Variants in GPR176 observed in about 807,000 individuals in gnomAD.
GPR176 encodes G-protein coupled receptor 176.
In GPR176, 26 loss-of-function variants were observed where a neutral mutation model predicts 35.4. That is an observed-to-expected ratio of 0.74 (90% CI 0.54 to 1.02). The LOEUF (loss-of-function observed/expected upper bound fraction) is 1.02. Among genes scored for constraint, GPR176 ranks in the 50% least tolerant of loss-of-function variants. GPR176 has a pLI of 0.00. For synonymous variants in GPR176, 278 were observed against 271.3 expected (o/e 1.02, Z -0.24); for missense variants, 597 against 665.3 (o/e 0.90, Z 1.13).
At chr15:39,917,573 C>T (rs1363325532) in intron 1 of GPR176, among the ~76,000 whole-genome samples, 3 of 151,762 alleles carry the variant, frequency 2.0e-5, no homozygotes, top group Non-Finnish European at 4.4e-5. Flanking sequence ...TGATCTCAAG[C>T]GATCTGCCCA....
intron 1 of GPR176, among the ~76,000 whole-genome samples, chr15:39,889,440 G>A (rs944765582): frequency 4.0e-5 from 6 of 151,862 alleles, no homozygotes; most frequent in African/African-American, 1.5e-4. Flanking sequence ...CCAGCTACTT[G>A]GGGGAATGAG....
intron 1 of GPR176, among the ~76,000 whole-genome samples, chr15:39,857,920 G>A (rs1222261113): frequency 5.8e-4 from 87 of 149,010 alleles, no homozygotes; most frequent in African/African-American, 2.0e-3. Flanking sequence ...GCAGTGAGCC[G>A]AGATGGCGCC....
intron 1 of GPR176, among the ~76,000 whole-genome samples, chr15:39,878,096 C>CTGTGTGTGTGTGTGTG (rs58251937): frequency 0.072 from 9,321 of 129,854 alleles, 536 homozygotes; most frequent in Non-Finnish European, 0.099. Flanking sequence ...CCATAGTTAC[C>CTGTGTGTGTGTGTGTG]TGTGTGTGTG....
At chr15:39,875,924 T>TAG in intron 1 of GPR176, among the ~76,000 whole-genome samples, 1 of 149,670 alleles carries the variant, frequency 6.7e-6, no homozygotes, top group South Asian at 2.1e-4. Flanking sequence ...TTAACTCATA[T>TAG]ATATATATGA....
At chr15:39,812,651 TC>T (rs2140795404) in intron 1 of GPR176, among the ~76,000 whole-genome samples, 1 of 152,112 alleles carries the variant, frequency 6.6e-6, no homozygotes, top group South Asian at 2.1e-4. Context: ...TCTAATAAAC[TC>T]CCCTTCATAT....
At chr15:39,859,885 TACA>T (rs1455641523) in intron 1 of GPR176, among the ~76,000 whole-genome samples, 1 of 151,978 alleles carries the variant, frequency 6.6e-6, no homozygotes, top group African/African-American at 2.4e-5. Flanking sequence ...AGACTGGCTG[TACA>T]ACAATGTGCA....
At chr15:39,856,149 T>C (rs2031204487) in intron 1 of GPR176, among the ~76,000 whole-genome samples, 1 of 152,130 alleles carries the variant, frequency 6.6e-6, no homozygotes, top group Non-Finnish European at 1.5e-5. Flanking sequence ...GCATGCCCAA[T>C]CTAAAGGGTC....
At chr15:39,825,114 C>G (rs906813370) in intron 1 of GPR176, among the ~76,000 whole-genome samples, 1 of 152,040 alleles carries the variant, frequency 6.6e-6, no homozygotes, top group Admixed American at 6.6e-5. Context: ...GGCTGAGATA[C>G]GAGGATCACT....
chr15:39,868,386 A>G (rs903134266), intron 1 of GPR176, among the ~76,000 whole-genome samples: 1 of 152,214 alleles, frequency 6.6e-6, no homozygotes, highest in African/African-American at 2.4e-5. Context: ...CAGGGTCCCC[A>G]TGCTGACTGT....
chr15:39,810,107 T>C lies in GPR176; in HGVS notation c.173-2849A>G, dbSNP rs1315312404. Among the ~76,000 whole-genome samples, 15 of 142,950 alleles carry C rather than the reference T, an allele frequency of 1.0e-4. No individual in the cohort carries two copies. In the Admixed American group the frequency reaches 1.1e-3, roughly 10 times the overall value. The allele number at this position is 142,950 out of a possible 152,430, so 93.8% of individuals were successfully genotyped here. A position where few individuals can be genotyped will look rare whatever the true frequency, so the allele number is the denominator to read the frequency against. ...TTGCAGTGAGCTGAGATCGTGCCAC[T>C]CCAGCCTGGGTGACAGAGTGAGACT... On this transcript the variant is annotated intron_variant, in intron 1 of 2. Transcript: ENST00000561100.
intron 1 of GPR176, among the ~76,000 whole-genome samples, chr15:39,858,132 T>G (rs745895864): frequency 4.6e-5 from 7 of 151,996 alleles, no homozygotes; most frequent in Non-Finnish European, 5.9e-5. Context: ...GACACCTGGA[T>G]GAAGCTATGA....
intron 1 of GPR176, among the ~76,000 whole-genome samples, chr15:39,810,006 G>A (rs947774694): frequency 2.0e-5 from 3 of 152,032 alleles, no homozygotes; most frequent in Non-Finnish European, 2.9e-5. Context: ...TTAGCCCAGC[G>A]TGGTTGCGGG....
chr15:39,875,173 C>T (rs2032195241), intron 1 of GPR176, among the ~76,000 whole-genome samples: 1 of 152,170 alleles, frequency 6.6e-6, no homozygotes, highest in Non-Finnish European at 1.5e-5. Flanking sequence ...GCAGAGTTCA[C>T]TCACTTTTGT....
chr15:39,836,743 C>G (rs1901422044), intron 1 of GPR176, among the ~76,000 whole-genome samples: 1 of 152,012 alleles, frequency 6.6e-6, no homozygotes, highest in Non-Finnish European at 1.5e-5. Context: ...AAGGGAAAAC[C>G]CTTTACTCTG....
intron 1 of GPR176, among the ~76,000 whole-genome samples, chr15:39,810,748 C>G (rs1273558392): frequency 6.6e-6 from 1 of 152,062 alleles, no homozygotes; most frequent in African/African-American, 2.4e-5. Flanking sequence ...CAAGGAAAAG[C>G]CTATGACAGA....
chr15:39,820,231 G>C (rs539895833), intron 1 of GPR176, among the ~76,000 whole-genome samples: 1 of 152,288 alleles, frequency 6.6e-6, no homozygotes, highest in South Asian at 2.1e-4. Context: ...AAGAGCTGGG[G>C]GTAGCCAGAT....
chr15:39,910,158 T>C (rs2033537227), intron 1 of GPR176, among the ~76,000 whole-genome samples: 1 of 152,216 alleles, frequency 6.6e-6, no homozygotes, highest in African/African-American at 2.4e-5. Context: ...TTATGATGAC[T>C]GAAAGAAATA....
At chr15:39,841,820 T>A (rs1411227795) in intron 1 of GPR176, among the ~76,000 whole-genome samples, 1 of 152,204 alleles carries the variant, frequency 6.6e-6, no homozygotes, top group South Asian at 2.1e-4. Context: ...CGAGGCTACA[T>A]GACCAAATGT....
At chr15:39,919,300 A>C (rs1197724091) in intron 1 of GPR176, among the ~76,000 whole-genome samples, 1 of 152,164 alleles carries the variant, frequency 6.6e-6, no homozygotes, top group East Asian at 1.9e-4. Flanking sequence ...TTTTTAAATA[A>C]TCGACAGGCG....
Sources: gnomAD v4.1 joint callset for allele counts (sites outside exome capture counted in the v4.1 genomes callset) on GRCh38, gnomAD v4.1.1 for gene constraint, MANE v1.5 for transcripts, NCBI Gene and HGNC (gene_info 2026-07-23, HGNC 2026-07-21) for gene names.